Variants in VAC14 observed in about 807,000 individuals in gnomAD.
The protein encoded by VAC14 is VAC14 component of PIKFYVE complex.
A neutral mutation model predicts 85.3 loss-of-function variants in VAC14; 47 were observed. The observed-to-expected ratio is 0.55, with a 90% confidence interval of 0.44 to 0.70. VAC14 has a LOEUF of 0.70. Ranked by LOEUF, VAC14 falls within the 30% of genes least tolerant of loss-of-function variation. The pLI, the probability that VAC14 is intolerant of heterozygous loss-of-function variation, is 0.00. For missense variants in VAC14, 861 were observed against 1,004.3 expected (o/e 0.86, Z 1.93); for synonymous variants, 447 against 430.5 (o/e 1.04, Z -0.47).
chr16:70,779,842 CTTTTTTT>C (rs1000471677), intron 9 of VAC14, among the ~76,000 whole-genome samples: 1 of 147,246 alleles, frequency 6.8e-6, no homozygotes, highest in South Asian at 2.2e-4. Flanking sequence ...TTTCTTTTTT[CTTTTTTT>C]TTTGAGATAG....
At chr16:70,736,785 C>T (rs1361848042) in intron 13 of VAC14, among the ~76,000 whole-genome samples, 1 of 152,162 alleles carries the variant, frequency 6.6e-6, no homozygotes, top group East Asian at 1.9e-4. Context: ...GACTTTCTGC[C>T]CTCCCCAAGA....
chr16:70,761,929 A>G (rs1212662452), intron 12 of VAC14, among the ~76,000 whole-genome samples: 2 of 152,126 alleles, frequency 1.3e-5, no homozygotes, highest in African/African-American at 4.8e-5. Flanking sequence ...TACTGCCCTC[A>G]TTGAACAGAG....
At chr16:70,689,084 G>A in intron 18 of VAC14, 1 of 985,542 alleles carries the variant, frequency 1.0e-6, no homozygotes, top group Non-Finnish European at 1.2e-6. Flanking sequence ...GGGGGGTGCA[G>A]GCACTGGCAG....
chr16:70,738,503 C>A (rs1375556236), intron 13 of VAC14, among the ~76,000 whole-genome samples: 1 of 152,078 alleles, frequency 6.6e-6, no homozygotes, highest in East Asian at 1.9e-4. Flanking sequence ...CAGTCTGCCA[C>A]CGGGAAAGAG....
chr16:70,718,595 A>C (rs999270872), intron 14 of VAC14, among the ~76,000 whole-genome samples: 3 of 151,032 alleles, frequency 2.0e-5, no homozygotes, highest in African/African-American at 7.3e-5. Flanking sequence ...AAACAAAAAA[A>C]CAAAGAAAAC....
Position 70,737,255 on chromosome 16 carries a change from G to C in VAC14, c.1529-5628C>G, listed in dbSNP as rs550782609. Among the ~76,000 whole-genome samples the C allele has an allele frequency of 3.4e-4, 52 of 152,358 alleles. No homozygotes were observed. In the South Asian group the frequency reaches 0.01, roughly 30 times the overall value. Reference sequence around the variant, plus strand: ...TGCTGCAGGCGCATGAGGAAAGTGGGAGCCGGGACGGGGCAGCTCAGGGCA... The same window carrying C: ...TGCTGCAGGCGCATGAGGAAAGTGGCAGCCGGGACGGGGCAGCTCAGGGCA... On this transcript the variant is annotated intron_variant, in intron 13 of 18. Coordinates refer to ENST00000261776, the MANE Select transcript of VAC14 (RefSeq NM_018052.5).
At chr16:70,761,759 C>T (rs1235903500) in intron 12 of VAC14, among the ~76,000 whole-genome samples, 2 of 152,146 alleles carry the variant, frequency 1.3e-5, no homozygotes, top group East Asian at 1.9e-4. Flanking sequence ...TTGGTGGCCC[C>T]AAAAAGGCAA....
At chr16:70,784,917 C>A in intron 3 of VAC14, 79 bp from the exon 4 acceptor site, 1 of 1,321,028 alleles carries the variant, frequency 7.6e-7, no homozygotes, top group East Asian at 2.3e-5. Context: ...TCCTGCAAAT[C>A]CGCAGCCGAG....
At chr16:70,775,234 T>C (rs1331946248) in intron 9 of VAC14, among the ~76,000 whole-genome samples, 2 of 152,218 alleles carry the variant, frequency 1.3e-5, no homozygotes, top group Admixed American at 1.3e-4. Flanking sequence ...TTTTAAATTA[T>C]ACAAATATAT....
In VAC14 at chr16:70,744,501, C is replaced by G; in HGVS notation, c.1450G>C (p.Asp484His). 1 of 1,613,618 alleles carries G rather than the reference C, an allele frequency of 6.2e-7. No homozygotes were observed. Among genetic ancestry groups the G allele is most frequent in the Non-Finnish European group, 8.5e-7 (1 of 1,179,956 alleles). ...TGGCTGGCCTGGAGGTCAGGGCCAT[C>G]GAGGGGGCCTGGGTCATCCGTCTGG... Reference protein sequence around the residue: ...AGQTDDPGPLDGPDLQASHSE... With the variant: ...AGQTDDPGPLHGPDLQASHSE... Residue 484 changes from aspartate to histidine, a missense_variant, in exon 13 of 19, where the codon GAT (aspartate) becomes CAT (histidine). By Grantham distance (81) the Asp-to-His change is moderately conservative. Transcript: ENST00000261776.
rs762600028 is a variant in VAC14, at chr16:70,783,505, G to A, written c.644C>T (p.Pro215Leu). The A allele has an allele frequency of 5.6e-6, 9 of 1,613,916 alleles. No individual in the cohort carries two copies. The highest frequency in any genetic ancestry group is 1.3e-5 in the African/African-American group (1 of 74,922). Residue 215 changes from proline (P) to leucine (L), a missense_variant, in exon 6 of 19, where the codon CCG (proline) becomes CTG (leucine). Coordinates refer to ENST00000261776, the MANE Select transcript of VAC14 (RefSeq NM_018052.5). ...CTGGAAGAGTCCATCCAGGATCTCC[G>A]GCAGGTAATCCAGCAGGTTAATGTC... ...VPDINLLDYL[P>L]EILDGLFQIL...
chr16:70,737,376 A>G (rs3785422), intron 13 of VAC14, among the ~76,000 whole-genome samples: 126,348 of 152,098 alleles, frequency 0.83, 52,607 homozygotes, highest in Admixed American at 0.87. Flanking sequence ...CTGCTGCAGC[A>G]GGGGGCGAGG....
At chr16:70,800,358 G>A (rs570402439) in intron 1 of VAC14, among the ~76,000 whole-genome samples, 1 of 152,220 alleles carries the variant, frequency 6.6e-6, no homozygotes, top group East Asian at 1.9e-4. Context: ...TCTCTACTTG[G>A]TCACTAACAA....
intron 10 of VAC14, among the ~76,000 whole-genome samples, chr16:70,767,205 G>C (rs2032884469): frequency 6.6e-6 from 1 of 152,136 alleles, no homozygotes. Flanking sequence ...TTAAAATATA[G>C]ATTTACTGAA....
chr16:70,775,519 A>T (rs1193461391), intron 9 of VAC14, among the ~76,000 whole-genome samples: 1 of 152,154 alleles, frequency 6.6e-6, no homozygotes, highest in Non-Finnish European at 1.5e-5. Context: ...CTTTATTTCC[A>T]TGTCTGTACT....
chr16:70,748,869 A>T (rs1597930805), intron 12 of VAC14, among the ~76,000 whole-genome samples: 1 of 152,336 alleles, frequency 6.6e-6, no homozygotes, highest in East Asian at 1.9e-4. Context: ...TTGCTTGAGC[A>T]GAGGCTGTAG....
intron 1 of VAC14, among the ~76,000 whole-genome samples, chr16:70,796,469 T>C (rs2034550628): frequency 6.6e-6 from 1 of 152,196 alleles, no homozygotes; most frequent in South Asian, 2.1e-4. Context: ...ATTATAAGTA[T>C]GTCCCCTTTC....
intron 13 of VAC14, among the ~76,000 whole-genome samples, chr16:70,742,474 G>A (rs1187776982): frequency 6.6e-6 from 1 of 152,254 alleles, no homozygotes; most frequent in African/African-American, 2.4e-5. Flanking sequence ...CTGACTTGGG[G>A]ACACAGGACG....
intron 18 of VAC14, chr16:70,692,036 G>T (rs980016514): frequency 2.0e-6 from 2 of 984,352 alleles, no homozygotes; most frequent in African/African-American, 3.5e-5. Context: ...GGCTCTGCTG[G>T]TTTCCATGGC....
Sources: gnomAD v4.1 joint callset for allele counts (sites outside exome capture counted in the v4.1 genomes callset) on GRCh38, gnomAD v4.1.1 for gene constraint, MANE v1.5 for transcripts, NCBI Gene and HGNC (gene_info 2026-07-23, HGNC 2026-07-21) for gene names.